Variants in SEMA3A observed in about 807,000 individuals in gnomAD.
The protein encoded by SEMA3A is semaphorin 3A.
In SEMA3A, 29 loss-of-function variants were observed where a neutral mutation model predicts 97.9. The observed-to-expected ratio is 0.30, with a 90% CI of 0.22 to 0.40. The LOEUF is 0.40. Among genes scored for constraint, SEMA3A ranks in the 10% least tolerant of loss-of-function variants. The pLI, the probability that SEMA3A is intolerant of heterozygous loss-of-function variation, is 1.00. For synonymous variants in SEMA3A, 321 were observed against 323.7 expected, an observed-to-expected ratio of 0.99 and a Z score of 0.09; for missense variants, 763 against 951.3, an observed-to-expected ratio of 0.80 and a Z score of 2.60.
chr7:84,063,512 A>G (rs1349354703), intron 4 of SEMA3A, among the ~76,000 whole-genome samples: 6 of 150,296 alleles, frequency 4.0e-5, no homozygotes, highest in Non-Finnish European at 7.4e-5. Context: ...AAGAAGTTGA[A>G]AACTTTGAAA....
intron 2 of SEMA3A, among the ~76,000 whole-genome samples, chr7:84,357,740 A>G (rs142931584): frequency 0.064 from 9,715 of 151,648 alleles, 363 homozygotes; most frequent in East Asian, 0.13. Context: ...GAACTACTTT[A>G]CAGTCCCACC....
chr7:84,265,668 G>A (rs917985542), intron 3 of SEMA3A, among the ~76,000 whole-genome samples: 2 of 151,414 alleles, frequency 1.3e-5, no homozygotes, highest in African/African-American at 4.9e-5. Context: ...TACCATGCCT[G>A]CCTGAAAATG....
intron 1 of SEMA3A, among the ~76,000 whole-genome samples, chr7:84,443,442 T>C (rs1805322780): frequency 6.6e-6 from 1 of 152,158 alleles, no homozygotes; most frequent in Non-Finnish European, 1.5e-5. Context: ...ACCATGTCAA[T>C]GGTTAAATTG....
intron 1 of SEMA3A, among the ~76,000 whole-genome samples, chr7:84,162,390 G>C (rs1278126430): frequency 6.6e-6 from 1 of 152,084 alleles, no homozygotes; most frequent in African/African-American, 2.4e-5. Context: ...TGACCAGCTA[G>C]AGTCAAACCT....
intron 2 of SEMA3A, among the ~76,000 whole-genome samples, chr7:84,330,613 C>T (rs1801887381): frequency 1.3e-5 from 2 of 152,004 alleles, no homozygotes; most frequent in Non-Finnish European, 2.9e-5. Context: ...TTTTCCTTTA[C>T]CACCCAAAAT....
At chr7:84,272,329 C>T (rs2115707576) in intron 3 of SEMA3A, among the ~76,000 whole-genome samples, 1 of 152,112 alleles carries the variant, frequency 6.6e-6, no homozygotes, top group East Asian at 1.9e-4. Flanking sequence ...GGACATAAAA[C>T]CTTCAGATGC....
At chr7:84,224,785 G>A (rs1418352776) in intron 3 of SEMA3A, among the ~76,000 whole-genome samples, 1 of 151,962 alleles carries the variant, frequency 6.6e-6, no homozygotes, top group Non-Finnish European at 1.5e-5. Flanking sequence ...GTTGAATAAC[G>A]GTTCTTTTAT....
chr7:84,389,962 CTT>C (rs1343391636), intron 1 of SEMA3A, among the ~76,000 whole-genome samples: 6 of 151,978 alleles, frequency 3.9e-5, no homozygotes, highest in African/African-American at 1.4e-4. Context: ...ACACTCAAAA[CTT>C]TATATATTTG....
intron 4 of SEMA3A, among the ~76,000 whole-genome samples, chr7:84,098,761 T>C (rs1473680522): frequency 6.6e-6 from 1 of 152,086 alleles, no homozygotes; most frequent in Non-Finnish European, 1.5e-5. Flanking sequence ...TGGGGTATAA[T>C]ATTGATGCCA....
At chr7:84,195,079 T>C (rs907036827), upstream of SEMA3A, 1 of 151,234 alleles carries the variant, frequency 6.6e-6, no homozygotes, top group Non-Finnish European at 1.5e-5. Flanking sequence ...GGACTTTTCC[T>C]GTACGCATGT....
At chr7:84,320,184 A>G (rs749009387) in intron 2 of SEMA3A, among the ~76,000 whole-genome samples, 4 of 152,140 alleles carry the variant, frequency 2.6e-5, no homozygotes, top group Admixed American at 6.5e-5. Context: ...TAAATTTAAT[A>G]TGGTTAGTCT....
intron 1 of SEMA3A, among the ~76,000 whole-genome samples, chr7:84,448,527 AAGG>A (rs1205709860): frequency 6.6e-6 from 1 of 152,144 alleles, no homozygotes; most frequent in African/African-American, 2.4e-5. Context: ...GTGTATAGAA[AAGG>A]AGATGAAGAA....
intron 1 of SEMA3A, among the ~76,000 whole-genome samples, chr7:84,477,062 TAAA>T (rs1423521163): frequency 1.6e-5 from 2 of 127,430 alleles, no homozygotes; most frequent in African/African-American, 5.9e-5. Flanking sequence ...ATGTGTTTGT[TAAA>T]AAAAAAAAAT....
chr7:84,457,037 C>G (rs899905099), intron 1 of SEMA3A, among the ~76,000 whole-genome samples: 1 of 151,440 alleles, frequency 6.6e-6, no homozygotes, highest in Non-Finnish European at 1.5e-5. Context: ...TATATAAGCA[C>G]TGCTTATATA....
At chr7:84,229,830 GA>G (rs1799079330) in intron 3 of SEMA3A, among the ~76,000 whole-genome samples, 1 of 151,664 alleles carries the variant, frequency 6.6e-6, no homozygotes, top group Non-Finnish European at 1.5e-5. Flanking sequence ...CCAATTTCCT[GA>G]CCTTATGGAA....
intron 4 of SEMA3A, among the ~76,000 whole-genome samples, chr7:84,064,640 C>T (rs558498892): frequency 0.012 from 1,880 of 150,884 alleles, 12 homozygotes; most frequent in Middle Eastern, 0.037. Flanking sequence ...ATAAAACAGA[C>T]TTTAAACCAA....
chr7:84,130,779 AATAATAT>A (rs138735212), intron 2 of SEMA3A, among the ~76,000 whole-genome samples: 10,601 of 152,082 alleles, frequency 0.07, 436 homozygotes, highest in East Asian at 0.2. Context: ...GCATAACAAT[AATAATAT>A]ATAACAGTTA....
At chr7:84,154,532 C>A (rs142207385) in intron 1 of SEMA3A, among the ~76,000 whole-genome samples, 3,612 of 151,576 alleles carry the variant, frequency 0.024, 155 homozygotes, top group African/African-American at 0.082. Flanking sequence ...AAAAATTAGC[C>A]GGGCATGGTG....
At chr7:84,049,416 T>C (rs1224124116) in intron 5 of SEMA3A, among the ~76,000 whole-genome samples, 1 of 152,112 alleles carries the variant, frequency 6.6e-6, no homozygotes, top group East Asian at 1.9e-4. Flanking sequence ...ATGACATCTT[T>C]GTTGTTTTGC....
Sources: allele counts gnomAD v4.1 joint callset (sites outside exome capture counted in the v4.1 genomes callset), GRCh38; gene constraint gnomAD v4.1.1; transcripts MANE v1.5; gene names NCBI Gene and HGNC (gene_info 2026-07-23, HGNC 2026-07-21).